Variants in PTGER4 observed in about 807,000 individuals in gnomAD.
PTGER4 encodes prostaglandin E receptor 4.
PTGER4 carries 11 observed loss-of-function variants against 33.2 expected under a neutral mutation model. That is an observed-to-expected ratio of 0.33 (90% CI 0.21 to 0.55). PTGER4 has a LOEUF of 0.55. Among genes scored for constraint, PTGER4 ranks in the 20% least tolerant of loss-of-function variants. The pLI, the probability that PTGER4 is intolerant of heterozygous loss-of-function variation, is 0.92. For missense variants in PTGER4, 481 were observed against 650.2 expected (o/e 0.74, Z 2.83); for synonymous variants, 275 against 281.5 (o/e 0.98, Z 0.23).
At chr5:40,704,306 A>C in the PTGER4 span, among the ~76,000 whole-genome samples, 1 of 152,204 alleles carries the variant, frequency 6.6e-6, no homozygotes, top group Admixed American at 6.5e-5. Flanking sequence ...AAAAACTCTC[A>C]ATAAACTAGG....
chr5:40,718,399 C>G, the PTGER4 span, among the ~76,000 whole-genome samples: 3 of 149,598 alleles, frequency 2.0e-5, no homozygotes. Flanking sequence ...GAGCAAGACT[C>G]TGTCTCAAAA....
chr5:40,738,974 A>C, the PTGER4 span, among the ~76,000 whole-genome samples: 15 of 152,294 alleles, frequency 9.8e-5, no homozygotes, highest in South Asian at 3.1e-3. Context: ...TGGACTGGAA[A>C]TATTTTCTCC....
downstream of PTGER4, among the ~76,000 whole-genome samples, chr5:40,694,169 G>A (rs187316938): frequency 4.6e-4 from 70 of 152,176 alleles, no homozygotes; most frequent in Non-Finnish European, 8.7e-4. Context: ...TCATGCCTCA[G>A]CCTCTTGACT....
chr5:40,700,541 G>C, the PTGER4 span, among the ~76,000 whole-genome samples: 1 of 152,252 alleles, frequency 6.6e-6, no homozygotes, highest in African/African-American at 2.4e-5. Flanking sequence ...TCACCAGACA[G>C]GGAACCCCTG....
chr5:40,709,317 T>C, the PTGER4 span, among the ~76,000 whole-genome samples: 2 of 152,308 alleles, frequency 1.3e-5, no homozygotes, highest in South Asian at 4.1e-4. Context: ...CTTTAGCTGA[T>C]AAGCAACTTC....
chr5:40,722,957 A>G, the PTGER4 span, among the ~76,000 whole-genome samples: 1 of 152,176 alleles, frequency 6.6e-6, no homozygotes, highest in Non-Finnish European at 1.5e-5. Flanking sequence ...GCTCATTGAG[A>G]GCGGGCCATG....
At chr5:40,735,644 G>A in the PTGER4 span, among the ~76,000 whole-genome samples, 1 of 152,202 alleles carries the variant, frequency 6.6e-6, no homozygotes, top group African/African-American at 2.4e-5. Context: ...CACAAACACA[G>A]ATGATTGTTG....
At chr5:40,739,159 C>T in the PTGER4 span, among the ~76,000 whole-genome samples, 47,592 of 152,060 alleles carry the variant, frequency 0.31, 7,834 homozygotes, top group East Asian at 0.56. Context: ...TTCAAAAACA[C>T]AGTTAAGGAC....
downstream of PTGER4, among the ~76,000 whole-genome samples, chr5:40,697,016 GAA>G (rs201433004): frequency 0.055 from 7,198 of 130,738 alleles, 290 homozygotes; most frequent in Non-Finnish European, 0.079. Flanking sequence ...AAGAGAGAAA[GAA>G]AGAGAAAACA....
chr5:40,706,591 A>C, the PTGER4 span, among the ~76,000 whole-genome samples: 3 of 116,808 alleles, frequency 2.6e-5, no homozygotes, highest in Non-Finnish European at 3.6e-5. Context: ...CCTAATCATA[A>C]AAGTTAAGCC....
chr5:40,726,733 A>T, the PTGER4 span, among the ~76,000 whole-genome samples: 7 of 152,132 alleles, frequency 4.6e-5, no homozygotes, highest in Non-Finnish European at 1.0e-4. Flanking sequence ...TTCTTTATAA[A>T]GGACAATCTT....
the PTGER4 span, among the ~76,000 whole-genome samples, chr5:40,708,935 A>G: frequency 1.8e-4 from 28 of 152,246 alleles, no homozygotes; most frequent in Non-Finnish European, 3.4e-4. Context: ...CAAAAACCAC[A>G]TGATTATCTC....
At chr5:40,695,552 TAAAA>T (rs896895008), downstream of PTGER4, among the ~76,000 whole-genome samples, 3 of 144,368 alleles carry the variant, frequency 2.1e-5, no homozygotes, top group African/African-American at 7.8e-5. Context: ...TCAAAAAAAA[TAAAA>T]AATAAATACA....
intron 2 of PTGER4, among the ~76,000 whole-genome samples, chr5:40,688,405 G>C (rs1741384285): frequency 6.6e-6 from 1 of 152,160 alleles, no homozygotes; most frequent in Non-Finnish European, 1.5e-5. Flanking sequence ...CACAGGACTT[G>C]ATACTAACAG....
chr5:40,697,185 AAG>A (rs1741618948), downstream of PTGER4, among the ~76,000 whole-genome samples: 1 of 144,954 alleles, frequency 6.9e-6, no homozygotes, highest in Admixed American at 6.8e-5. Flanking sequence ...AAGAAAAATT[AAG>A]AAAGAAAGAA....
chr5:40,698,781 G>A, the PTGER4 span, among the ~76,000 whole-genome samples: 1,659 of 152,224 alleles, frequency 0.011, 23 homozygotes, highest in African/African-American at 0.033. Context: ...AGAACAAAGC[G>A]TTTATTATAT....
chr5:40,681,939 C>T lies in PTGER4; in HGVS notation c.867+79C>T. 2 of 1,435,930 alleles carry T rather than the reference C, an allele frequency of 1.4e-6. No individual in the cohort carries two copies. 88.9% of individuals were successfully genotyped at this position (1,435,930 alleles called of 1,614,324 possible). On this transcript the variant is annotated intron_variant, in intron 2 of 2. Transcript: ENST00000302472. The surrounding 1 kb of genome is among the most constrained non-coding windows in gnomAD (Gnocchi z 9.8). ...GCGTCCATTCCCCGCTCCCTGCTTT[C>T]CCTCTGAGTCCTTGGCAGTGAACGT...
the PTGER4 span, among the ~76,000 whole-genome samples, chr5:40,742,853 C>T: frequency 6.6e-5 from 10 of 152,002 alleles, no homozygotes; most frequent in Non-Finnish European, 1.3e-4. Flanking sequence ...AGTTTTTAAA[C>T]GTATATTCTA....
At chr5:40,722,154 G>A in the PTGER4 span, among the ~76,000 whole-genome samples, 5 of 151,224 alleles carry the variant, frequency 3.3e-5, no homozygotes, top group Admixed American at 6.6e-5. Flanking sequence ...GCAGTGAGCC[G>A]AGATCGCACC....
Sources: gnomAD v4.1 joint callset for allele counts (sites outside exome capture counted in the v4.1 genomes callset) on GRCh38, gnomAD v4.1.1 for gene constraint, Gnocchi (gnomAD v3.1) non-coding constraint, MANE v1.5 for transcripts, NCBI Gene and HGNC (gene_info 2026-07-23, HGNC 2026-07-21) for gene names.